PIK3R6: variants seen among roughly 807,000 people sequenced by gnomAD.
The protein encoded by PIK3R6 is phosphoinositide 3-kinase regulatory subunit 6.
A neutral mutation model predicts 84.9 loss-of-function variants in PIK3R6; 91 were observed. The ratio of observed to expected loss-of-function variants is 1.07; its 90% CI spans 0.90 to 1.28. PIK3R6 has a LOEUF of 1.28. Among genes scored for constraint, PIK3R6 ranks in the 50% most tolerant of loss-of-function variants. The probability of loss-of-function intolerance (pLI) is 0.00; values close to 1 mark genes in which losing one functional copy is unlikely to be tolerated. For synonymous variants in PIK3R6, 416 were observed against 411.4 expected (o/e 1.01, Z -0.13); for missense variants, 996 against 985.1 (o/e 1.01, Z -0.15).
At position 8,839,824 on chromosome 17, in the gene PIK3R6, T is replaced by C. The variant is rs1487584863; in HGVS notation, c.14-127A>G. 8.5e-6 allele frequency: 6 copies of C among 710,010 alleles called. No homozygotes were observed. Among genetic ancestry groups the C allele is most frequent in the Non-Finnish European group, 1.3e-5 (6 of 444,556 alleles). The allele number at this position is 710,010 out of a possible 1,614,324, so 44.0% of individuals were successfully genotyped here. A position where few individuals can be genotyped will look rare whatever the true frequency, so the allele number is the denominator to read the frequency against. ...CAGGAGGTGCCCGAAGTAATCGACT[T>C]AGAGCTGGCAGCCAGCATGCCAGCC... On this transcript the variant is annotated intron_variant, in intron 2 of 19. Coordinates refer to ENST00000619866, the MANE Select transcript of PIK3R6 (RefSeq NM_001010855.4). The surrounding 1 kb of genome is among the most constrained non-coding windows in gnomAD (Gnocchi z 4.2).
chr17:8,839,437 C>A lies in PIK3R6; in HGVS notation c.97+177G>T, dbSNP rs140416030. ...TTGCTGGGAGGGTTGAACTAGGGAGCAGAGAAGCCTTCTCAGTCCTTCAGG... is the reference window on the plus strand; with the variant it reads ...TTGCTGGGAGGGTTGAACTAGGGAGAAGAGAAGCCTTCTCAGTCCTTCAGG... On this transcript the variant is annotated intron_variant, in intron 3 of 19. Coordinates refer to ENST00000619866, the MANE Select transcript of PIK3R6 (RefSeq NM_001010855.4). This position sits in a 1 kb window ranked among gnomAD's most constrained non-coding sequence, Gnocchi z 4.2. Among the ~76,000 whole-genome samples, 50 of 152,282 alleles carry A rather than the reference C, an allele frequency of 3.3e-4. 1 individual carries two copies. The East Asian group carries it at 9.4e-3, about 29-fold the overall frequency.
intron 2 of PIK3R6, among the ~76,000 whole-genome samples, chr17:8,848,804 A>C (rs2088871452): frequency 6.6e-6 from 1 of 152,152 alleles, no homozygotes; most frequent in Non-Finnish European, 1.5e-5. Context: ...CCATGGAGCT[A>C]CTTCTGATTG....
At chr17:8,836,770 A>C in intron 6 of PIK3R6, 21 bp downstream of exon 6, 1 of 1,611,124 alleles carries the variant, frequency 6.2e-7, no homozygotes, top group Non-Finnish European at 8.5e-7. Flanking sequence ...GTGGGAGACA[A>C]AGATGCCCAG....
At chr17:8,819,689 T>TATATATACACAC (rs374733654) in intron 17 of PIK3R6, among the ~76,000 whole-genome samples, 93 of 135,868 alleles carry the variant, frequency 6.8e-4, no homozygotes, top group African/African-American at 2.5e-3. Context: ...TATATATATA[T>TATATATACACAC]ACACACACAC....
At chr17:8,829,829 G>T in intron 9 of PIK3R6, 37 bp from the exon 10 acceptor site, 2 of 1,508,988 alleles carry the variant, frequency 1.3e-6, no homozygotes, top group South Asian at 1.2e-5. Context: ...CCATGGAGGA[G>T]GCCATGGGAC....
chr17:8,836,556 T>G lies in PIK3R6; in HGVS notation c.452A>C (p.Tyr151Ser), dbSNP rs1393105413. 6.2e-7 allele frequency: 1 copy of G among 1,613,956 alleles called. No homozygotes were observed. The highest frequency in any genetic ancestry group is 1.1e-5 in the South Asian group (1 of 91,080). The change falls in exon 7 of 20, where the codon TAC becomes TCC. Residue 151 changes from tyrosine (Y) to serine (S), a missense_variant. Coordinates refer to ENST00000619866, the MANE Select transcript of PIK3R6 (RefSeq NM_001010855.4). ...TTCTGGGGCCACTCACCTCTCCTGG[T>G]AGGGATACAGCTCATTCGTCAAGTT... ...EQNLTNELYP[Y>S]QERVFLFVDP...
At chr17:8,867,153 A>C (rs879894965) in intron 1 of PIK3R6, among the ~76,000 whole-genome samples, 2 of 152,192 alleles carry the variant, frequency 1.3e-5, no homozygotes, top group Admixed American at 1.3e-4. Context: ...ACACTTATCC[A>C]GTCAACCTCT....
Position 8,828,097 on chromosome 17 carries a change from C to G in PIK3R6, c.1392+15G>C. ...CTGTCTCTGCCCCGCCACCGCCTCC[C>G]CGCGGTCCAGTCACCTCAGGCGCCA... On this transcript the variant is annotated intron_variant, in intron 12 of 19. Coordinates refer to ENST00000619866, the MANE Select transcript of PIK3R6 (RefSeq NM_001010855.4). 1.2e-6 allele frequency: 2 copies of G among 1,613,262 alleles called. No homozygotes were observed. Among genetic ancestry groups the G allele is most frequent in the Non-Finnish European group, 1.7e-6 (2 of 1,179,384 alleles).
intron 1 of PIK3R6, among the ~76,000 whole-genome samples, chr17:8,856,023 G>A (rs1323654192): frequency 2.0e-5 from 3 of 152,172 alleles, no homozygotes; most frequent in Non-Finnish European, 2.9e-5. Context: ...GCAACGACAC[G>A]CGTGAATCTC....
At chr17:8,831,859 T>C (rs1200556459) in intron 9 of PIK3R6, among the ~76,000 whole-genome samples, 1 of 152,118 alleles carries the variant, frequency 6.6e-6, no homozygotes, top group African/African-American at 2.4e-5. Context: ...AGGAAACACA[T>C]ATTCGGGACG....
rs866272836 is a variant in PIK3R6 at position 8,839,763 on chromosome 17, C to T, written c.14-66G>A. On this transcript the variant is annotated intron_variant, in intron 2 of 19. Coordinates refer to ENST00000619866, the MANE Select transcript of PIK3R6 (RefSeq NM_001010855.4). The surrounding 1 kb of genome is among the most constrained non-coding windows in gnomAD (Gnocchi z 4.2). ...ACCTCACCCTCGTCCCACCTCCATTCCTTCCGAGAGTGTCTTTAGCCATTT... is the reference window on the plus strand; with the variant it reads ...ACCTCACCCTCGTCCCACCTCCATTTCTTCCGAGAGTGTCTTTAGCCATTT... 1 of 1,335,148 alleles carries T rather than the reference C, an allele frequency of 7.5e-7. No homozygotes were observed. The highest frequency in any genetic ancestry group is 2.1e-5 in the Admixed American group (1 of 46,512). 82.7% of individuals were successfully genotyped at this position (1,335,148 alleles called of 1,614,324 possible).
At chr17:8,863,049 G>C (rs920093996) in intron 1 of PIK3R6, among the ~76,000 whole-genome samples, 10 of 152,280 alleles carry the variant, frequency 6.6e-5, no homozygotes, top group Non-Finnish European at 1.2e-4. Context: ...GCACTCTAGT[G>C]GGTGTGTAGG....
intron 2 of PIK3R6, among the ~76,000 whole-genome samples, chr17:8,845,675 G>A (rs953745606): frequency 3.6e-4 from 55 of 152,110 alleles, no homozygotes; most frequent in African/African-American, 1.3e-3. Flanking sequence ...GGCCAGGCAC[G>A]GTGGCTCATG....
At chr17:8,820,786 A>C (rs2087709429) in intron 17 of PIK3R6, among the ~76,000 whole-genome samples, 1 of 152,220 alleles carries the variant, frequency 6.6e-6, no homozygotes, top group South Asian at 2.1e-4. Flanking sequence ...ATTGTCAGAA[A>C]GGCGCCTTAA....
chr17:8,821,795 G>GAT, intron 17 of PIK3R6, 51 bp downstream of exon 17: 1 of 1,517,606 alleles, frequency 6.6e-7, no homozygotes, highest in Admixed American at 2.0e-5. Context: ...CCCCAGCATT[G>GAT]CCCTTCTCAT....
At chr17:8,822,515 G>C (rs1228137786) in intron 16 of PIK3R6, 72 bp downstream of exon 16, 8 of 1,524,498 alleles carry the variant, frequency 5.2e-6, no homozygotes, top group Admixed American at 3.5e-5. Context: ...CTGCTTCCCT[G>C]CTTGTCCCAG....
intron 18 of PIK3R6, among the ~76,000 whole-genome samples, chr17:8,813,233 T>G (rs1222278239): frequency 6.6e-6 from 1 of 151,198 alleles, no homozygotes; most frequent in Non-Finnish European, 1.5e-5. Context: ...CAATAATGAG[T>G]AATGAAATTG....
In PIK3R6 at chr17:8,804,124, A is replaced by T. The variant is rs764220014; in HGVS notation, c.2025T>A (p.Asn675Lys). Residue 675 changes from asparagine to lysine, a missense_variant, in exon 19 of 20, where the codon AAT becomes AAA. By Grantham distance (94) the Asn-to-Lys change is moderately conservative. Coordinates refer to ENST00000619866, the MANE Select transcript of PIK3R6 (RefSeq NM_001010855.4). ...TCTGGTCCCGGCTCTGGATCTGGAT[A>T]TTGTTCGTCCTGAAGGTGTTGGTCA... ...STVTNTFRTNNIQIQSRDQRL... is the reference protein window; with the variant it reads ...STVTNTFRTNKIQIQSRDQRL... 6.2e-7 allele frequency: 1 copy of T among 1,613,972 alleles called. No individual in the cohort carries two copies. The highest frequency in any genetic ancestry group is 1.7e-5 in the Admixed American group (1 of 60,024).
intron 1 of PIK3R6, among the ~76,000 whole-genome samples, chr17:8,854,812 C>T (rs2089081610): frequency 6.6e-6 from 1 of 152,144 alleles, no homozygotes; most frequent in South Asian, 2.1e-4. Context: ...GATACAATAC[C>T]AAAGCATGAT....
Sources: gnomAD v4.1 joint callset for allele counts (sites outside exome capture counted in the v4.1 genomes callset) on GRCh38, gnomAD v4.1.1 for gene constraint, Gnocchi (gnomAD v3.1) non-coding constraint, MANE v1.5 for transcripts, NCBI Gene and HGNC (gene_info 2026-07-23, HGNC 2026-07-21) for gene names.